CPAP: variants seen among roughly 807,000 people sequenced by gnomAD.
CPAP encodes the protein centrosome assembly and centriole elongation protein.
At chr13:24,914,460 C>A in the CPAP span, among the ~76,000 whole-genome samples, 3 of 152,146 alleles carry the variant, frequency 2.0e-5, no homozygotes, top group Non-Finnish European at 2.9e-5. Flanking sequence ...AACATCCGAG[C>A]CCCAAAACAC....
chr13:24,916,707 T>C, the CPAP span, among the ~76,000 whole-genome samples: 1,059 of 152,326 alleles, frequency 7.0e-3, 12 homozygotes, highest in Admixed American at 0.019. Flanking sequence ...CAGAGGAACT[T>C]TGACTCAACA....
chr13:24,905,499 T>C, the CPAP span: 2 of 1,614,202 alleles, frequency 1.2e-6, no homozygotes, highest in South Asian at 2.2e-5. Flanking sequence ...TCTTCTCCCC[T>C]CTTGACTGGT....
At chr13:24,894,623 T>C in the CPAP span, among the ~76,000 whole-genome samples, 2 of 152,030 alleles carry the variant, frequency 1.3e-5, no homozygotes, top group East Asian at 1.9e-4. Flanking sequence ...AAAAAACAGA[T>C]AGGGCTGTGG....
chr13:24,905,829 C>T, the CPAP span: 2 of 1,614,126 alleles, frequency 1.2e-6, no homozygotes, highest in South Asian at 2.2e-5. Context: ...GGCCCCTTAT[C>T]ATCACAGACT....
At chr13:24,907,010 CTCA>C in the CPAP span, 154 of 1,599,564 alleles carry the variant, frequency 9.6e-5, no homozygotes, top group Non-Finnish European at 1.3e-4. Flanking sequence ...TCCAAGTGAT[CTCA>C]AAGTTATTTT....
At chr13:24,888,824 G>C in the CPAP span, among the ~76,000 whole-genome samples, 3 of 152,170 alleles carry the variant, frequency 2.0e-5, no homozygotes, top group Admixed American at 1.3e-4. Context: ...AGATTGGTAA[G>C]TCATACAGTA....
At chr13:24,921,092 G>C in the CPAP span, among the ~76,000 whole-genome samples, 1 of 152,180 alleles carries the variant, frequency 6.6e-6, no homozygotes, top group African/African-American at 2.4e-5. Context: ...GAAGTCAAGA[G>C]GGAAAGGCAC....
At chr13:24,896,079 T>C in the CPAP span, among the ~76,000 whole-genome samples, 1 of 152,240 alleles carries the variant, frequency 6.6e-6, no homozygotes, top group African/African-American at 2.4e-5. Context: ...AGTATATTTT[T>C]GCACAGAAGT....
chr13:24,917,865 G>A, the CPAP span, among the ~76,000 whole-genome samples: 1 of 152,208 alleles, frequency 6.6e-6, no homozygotes, highest in African/African-American at 2.4e-5. Flanking sequence ...CTGTGAGAGA[G>A]AGGCTCTCTT....
chr13:24,929,221 A>G, the CPAP span, among the ~76,000 whole-genome samples: 1 of 152,086 alleles, frequency 6.6e-6, no homozygotes, highest in Non-Finnish European at 1.5e-5. Context: ...GTGCCACCAC[A>G]TCCAGCTAAT....
At chr13:24,892,925 A>G in the CPAP span, 1 of 1,177,288 alleles carries the variant, frequency 8.5e-7, no homozygotes, top group South Asian at 1.3e-5. Flanking sequence ...GAATTAAAAC[A>G]ATAGAAGAAT....
the CPAP span, among the ~76,000 whole-genome samples, chr13:24,929,936 G>T: frequency 1.4e-5 from 2 of 139,640 alleles, no homozygotes; most frequent in African/African-American, 2.7e-5. Context: ...AATGAGACAA[G>T]GTGTTGCTCT....
At chr13:24,883,110 C>T in the CPAP span, 37 of 1,341,546 alleles carry the variant, frequency 2.8e-5, 1 homozygote, top group Admixed American at 6.0e-4. Flanking sequence ...AAACAGAATC[C>T]ACAGTAAATG....
At chr13:24,929,510 A>G in the CPAP span, among the ~76,000 whole-genome samples, 11 of 152,304 alleles carry the variant, frequency 7.2e-5, no homozygotes, top group African/African-American at 2.6e-4. Flanking sequence ...GGTCCTTTGT[A>G]TGTACTGATA....
the CPAP span, chr13:24,912,192 C>A: frequency 1.1e-6 from 1 of 899,610 alleles, no homozygotes; most frequent in Non-Finnish European, 1.8e-6. Flanking sequence ...TAGACAGGGA[C>A]CCCTAGGTAA....
At chr13:24,884,435 C>T in the CPAP span, 23 of 1,614,036 alleles carry the variant, frequency 1.4e-5, no homozygotes, top group Admixed American at 6.7e-5. Flanking sequence ...CAGTATAACA[C>T]GGCACCCATT....
At chr13:24,896,750 A>G in the CPAP span, among the ~76,000 whole-genome samples, 1 of 152,246 alleles carries the variant, frequency 6.6e-6, no homozygotes, top group Non-Finnish European at 1.5e-5. Context: ...GTGTGGTCTA[A>G]GGAGGTTATT....
chr13:24,929,593 T>C, the CPAP span, among the ~76,000 whole-genome samples: 2 of 152,216 alleles, frequency 1.3e-5, no homozygotes, highest in Non-Finnish European at 2.9e-5. Flanking sequence ...AATGCTATTG[T>C]GAACTCTTTG....
At chr13:24,910,889 C>T in the CPAP span, among the ~76,000 whole-genome samples, 1 of 152,162 alleles carries the variant, frequency 6.6e-6, no homozygotes, top group Non-Finnish European at 1.5e-5. Flanking sequence ...TTCCCTAAAC[C>T]ATTGTTTATG....
Sources: gnomAD v4.1 joint callset for allele counts (sites outside exome capture counted in the v4.1 genomes callset) on GRCh38, gnomAD v4.1.1 for gene constraint, MANE v1.5 for transcripts, NCBI Gene and HGNC (gene_info 2026-07-23, HGNC 2026-07-21) for gene names.